TLK1: variants seen among roughly 807,000 people sequenced by gnomAD.
TLK1 encodes the protein tousled like kinase 1, also known as serine/threonine-protein kinase tousled-like 1.
Under a neutral mutation model 105.3 loss-of-function variants are expected in TLK1, and 24 were observed. That is an observed-to-expected ratio of 0.23 (90% CI 0.17 to 0.32). TLK1 has a LOEUF of 0.32. TLK1 is among the 10% of genes least tolerant of loss of function. The pLI is 1.00. For synonymous variants in TLK1, 321 were observed against 310.4 expected (o/e 1.03, Z -0.36); for missense variants, 558 against 910.5 (o/e 0.61, Z 4.98).
chr2:171,041,606 T>C (rs1575543496), intron 11 of TLK1, among the ~76,000 whole-genome samples: 1 of 152,126 alleles, frequency 6.6e-6, no homozygotes, highest in Non-Finnish European at 1.5e-5. Flanking sequence ...GGGATCTAGG[T>C]TGTATGCTGC....
Position 171,050,303 on chromosome 2 carries a change from A to AG in TLK1, c.733-130dup, listed in dbSNP as rs1687175738. ...ATATTAAATATCTGAGTATGATACG[A>AG]GAAAAAAAAAAAGCCTACTTAACCA... is the stretch of plus-strand genomic sequence containing the variant. On this transcript the variant is annotated intron_variant, in intron 8 of 20. Coordinates refer to ENST00000431350, the MANE Select transcript of TLK1 (RefSeq NM_012290.5). 1.7e-5 allele frequency: 10 copies of AG among 574,446 alleles called. No homozygotes were observed. The Admixed American group carries it at 3.4e-4, about 20-fold the overall frequency. The allele number at this position is 574,446 out of a possible 1,614,324, so 35.6% of individuals were successfully genotyped here.
chr2:171,116,702 A>C (rs79670290), intron 2 of TLK1, among the ~76,000 whole-genome samples: 55,575 of 150,002 alleles, frequency 0.37, 10,999 homozygotes, highest in African/African-American at 0.52. Context: ...TCCCTCAAAA[A>C]AAAAAAAAAA....
At chr2:171,030,894 C>A (rs559397560) in intron 11 of TLK1, among the ~76,000 whole-genome samples, 1 of 152,126 alleles carries the variant, frequency 6.6e-6, no homozygotes, top group East Asian at 1.9e-4. Flanking sequence ...TCATGTATAA[C>A]TGCAAAGCTC....
chr2:171,092,034 C>CT (rs752839912), intron 2 of TLK1, among the ~76,000 whole-genome samples: 2,069 of 146,418 alleles, frequency 0.014, 99 homozygotes, highest in Admixed American at 0.1. Context: ...GCCCGGCCGT[C>CT]TTTTTTTTTT....
intron 1 of TLK1, among the ~76,000 whole-genome samples, chr2:171,188,889 A>G (rs1294578790): frequency 6.6e-6 from 1 of 150,762 alleles, no homozygotes; most frequent in East Asian, 2.0e-4. Flanking sequence ...AAAAAAAAAA[A>G]GATTCAAGCA....
At chr2:171,110,926 G>A (rs933519612) in intron 2 of TLK1, among the ~76,000 whole-genome samples, 12 of 152,028 alleles carry the variant, frequency 7.9e-5, no homozygotes, top group African/African-American at 2.4e-4. Flanking sequence ...TAAGAGCTAC[G>A]CATTTTACTG....
chr2:171,120,711 G>A (rs1031927102), intron 1 of TLK1, among the ~76,000 whole-genome samples: 1 of 152,042 alleles, frequency 6.6e-6, no homozygotes, highest in African/African-American at 2.4e-5. Flanking sequence ...AAAATGGTGC[G>A]GCCACTGTGC....
chr2:171,193,350 T>C (rs147548649), intron 1 of TLK1, among the ~76,000 whole-genome samples: 2 of 152,140 alleles, frequency 1.3e-5, no homozygotes, highest in African/African-American at 2.4e-5. Context: ...TATGTCTCCA[T>C]AGTGACTGTT....
At chr2:171,095,599 C>T (rs35047553) in intron 2 of TLK1, among the ~76,000 whole-genome samples, 31,828 of 151,858 alleles carry the variant, frequency 0.21, 3,907 homozygotes, top group Non-Finnish European at 0.28. Context: ...ACTAGCAAAC[C>T]AAATTCAACA....
At chr2:171,181,560 G>A (rs78813494) in intron 1 of TLK1, among the ~76,000 whole-genome samples, 16,523 of 152,214 alleles carry the variant, frequency 0.11, 1,364 homozygotes, top group African/African-American at 0.23. Flanking sequence ...TCTGCTTCTG[G>A]TAAGAGCCTC....
At chr2:171,020,589 C>CA (rs1167072168) in intron 12 of TLK1, among the ~76,000 whole-genome samples, 3 of 149,038 alleles carry the variant, frequency 2.0e-5, no homozygotes, top group Non-Finnish European at 4.5e-5. Flanking sequence ...AAGGGCAGTG[C>CA]AAAAAAACAA....
intron 2 of TLK1, among the ~76,000 whole-genome samples, chr2:171,089,173 G>T (rs959945047): frequency 3.9e-4 from 59 of 152,182 alleles, no homozygotes; most frequent in African/African-American, 1.4e-3. Flanking sequence ...TTGAAATTAT[G>T]AACATGAATT....
rs995344206 is a variant in TLK1 at position 171,210,812 on chromosome 2, C to T, written c.-6+20333G>A. The stretch of plus-strand genomic sequence containing the variant: ...CAAGGTTAATTCATTGAGAGAATGC[C>T]GTGAAATGTTGAGAAGAAATCTAGG... On this transcript the variant is annotated intron_variant, in intron 1 of 20. Coordinates refer to the TLK1 transcript ENST00000521943. 3.3e-5 allele frequency among the ~76,000 whole-genome samples: 5 copies of T among 152,070 alleles called. No individual in the cohort carries two copies. In the East Asian group the frequency reaches 5.8e-4, roughly 18 times the overall value.
At chr2:171,016,660 A>G (rs1685229411) in intron 12 of TLK1, among the ~76,000 whole-genome samples, 1 of 152,226 alleles carries the variant, frequency 6.6e-6, no homozygotes, top group African/African-American at 2.4e-5. Flanking sequence ...GAAAATATAA[A>G]TATTATCATT....
chr2:171,104,495 G>A (rs1019228371), intron 2 of TLK1, among the ~76,000 whole-genome samples: 10 of 152,110 alleles, frequency 6.6e-5, no homozygotes, highest in Non-Finnish European at 1.5e-4. Flanking sequence ...GTGATCTACA[G>A]ATTCAATGCA....
In TLK1 at chr2:170,991,750, C is replaced by T. The variant is rs574239944; in HGVS notation, c.*2030G>A. 8 of 152,310 alleles carry T rather than the reference C, an allele frequency of 5.3e-5. No individual in the cohort carries two copies. The East Asian group carries it at 1.5e-3, about 29-fold the overall frequency. The allele number at this position is 152,310 out of a possible 1,614,324, so 9.4% of individuals were successfully genotyped here. A position where few individuals can be genotyped will look rare whatever the true frequency, so the allele number is the denominator to read the frequency against. ...TCCCCAAAATTTTAAGCACAACAGG[C>T]ATTTCCTTTTAGTTCAGGAATTTAA... On this transcript the variant is annotated 3_prime_UTR_variant, in exon 21 of 21. Transcript: ENST00000431350.
At chr2:171,216,202 T>C (rs933327238) in intron 1 of TLK1, among the ~76,000 whole-genome samples, 2 of 151,824 alleles carry the variant, frequency 1.3e-5, no homozygotes, top group Non-Finnish European at 2.9e-5. Flanking sequence ...AAGGGCCGGG[T>C]GCAGTGGCTC....
chr2:171,040,081 TAGAGAA>T (rs1686587550), intron 11 of TLK1, among the ~76,000 whole-genome samples: 1 of 151,252 alleles, frequency 6.6e-6, no homozygotes, highest in African/African-American at 2.4e-5. Flanking sequence ...CATACTGTAA[TAGAGAA>T]AAAGAATAAA....
intron 1 of TLK1, among the ~76,000 whole-genome samples, chr2:171,187,995 A>G (rs181377919): frequency 1.5e-4 from 23 of 152,342 alleles, no homozygotes; most frequent in African/African-American, 5.3e-4. Flanking sequence ...ACTGAATTAC[A>G]AAGTCATGGG....
Sources: gnomAD v4.1 joint callset for allele counts (sites outside exome capture counted in the v4.1 genomes callset) on GRCh38, gnomAD v4.1.1 for gene constraint, MANE v1.5 for transcripts, NCBI Gene and HGNC (gene_info 2026-07-23, HGNC 2026-07-21) for gene names.